JMY: variants seen among roughly 807,000 people sequenced by gnomAD.
The protein encoded by JMY is junction-mediating and -regulatory protein.
JMY carries 46 observed loss-of-function variants against 103.3 expected under a neutral mutation model. The observed-to-expected ratio is 0.45, with a 90% CI of 0.35 to 0.57. JMY has a LOEUF of 0.57. JMY is among the 20% of genes least tolerant of loss of function. JMY has a pLI of 0.00. For synonymous variants in JMY, 526 were observed against 489.3 expected, an observed-to-expected ratio of 1.07 and a Z score of -0.99; for missense variants, 1,238 against 1,255.2, an observed-to-expected ratio of 0.99 and a Z score of 0.21.
chr5:79,275,461 A>AGGGTTTCT (rs1181451379), intron 1 of JMY, among the ~76,000 whole-genome samples: 1 of 152,052 alleles, frequency 6.6e-6, no homozygotes, highest in Non-Finnish European at 1.5e-5. Context: ...GTGCCTGGCA[A>AGGGTTTCT]GGGTTTCTGA....
Position 79,236,420 on chromosome 5 carries a change from TGAA to T in JMY, c.-230_-228del. The stretch of plus-strand genomic sequence containing the variant: ...ACAGATCCGGCCGCAGGTGACCATG[TGAA>T]CTACCTGCTCCCGGGACGCTTATTG... On this transcript the variant is annotated 5_prime_UTR_variant, in exon 1 of 11. The change abolishes the stop of an existing upstream ORF in the 5' untranslated region. Coordinates refer to ENST00000396137, the MANE Select transcript of JMY (RefSeq NM_152405.5). 1 of 366,936 alleles carries T rather than the reference TGAA, an allele frequency of 2.7e-6. No individual in the cohort carries two copies. Among genetic ancestry groups the T allele is most frequent in the Non-Finnish European group, 4.8e-6 (1 of 206,704 alleles). 22.7% of individuals were successfully genotyped at this position (366,936 alleles called of 1,614,324 possible).
At chr5:79,304,402 A>G (rs74506559) in intron 6 of JMY, among the ~76,000 whole-genome samples, 2,145 of 152,246 alleles carry the variant, frequency 0.014, 59 homozygotes, top group African/African-American at 0.048. Context: ...TTTCTCTGGC[A>G]CTCATCTTAA....
At chr5:79,250,073 T>C (rs1745031420) in intron 1 of JMY, among the ~76,000 whole-genome samples, 1 of 152,240 alleles carries the variant, frequency 6.6e-6, no homozygotes. Flanking sequence ...TGTCAGCTGC[T>C]ATTGTGATAC....
At position 79,323,438 on chromosome 5, in the gene JMY, A is replaced by G. The variant is rs1340082483; in HGVS notation, c.*1836A>G. 1.3e-5 allele frequency: 2 copies of G among 152,198 alleles called. No homozygotes were observed. Among genetic ancestry groups the G allele is most frequent in the Non-Finnish European group, 2.9e-5 (2 of 68,030 alleles). 9.4% of individuals were successfully genotyped at this position (152,198 alleles called of 1,614,324 possible). ...AGCATGGGGGTGGTGATAGTGTCCT[A>G]TTTGCCCTTGGTAAAATATTAAAGC... On this transcript the variant is annotated 3_prime_UTR_variant, in exon 11 of 11. Coordinates refer to ENST00000396137, the MANE Select transcript of JMY (RefSeq NM_152405.5).
chr5:79,270,495 A>T (rs1408106008), intron 1 of JMY, among the ~76,000 whole-genome samples: 1 of 96,418 alleles, frequency 1.0e-5, no homozygotes, highest in East Asian at 2.7e-4. Flanking sequence ...ATTTACATAA[A>T]ATATATATTT....
intron 2 of JMY, chr5:79,284,984 C>T (rs570259604): frequency 1.4e-4 from 147 of 1,029,230 alleles, no homozygotes; most frequent in Middle Eastern, 1.2e-3. Flanking sequence ...TGAAACTAGA[C>T]GAACCTCTAG....
chr5:79,313,532 A>G (rs6864184), intron 8 of JMY, among the ~76,000 whole-genome samples: 93,884 of 152,122 alleles, frequency 0.62, 29,604 homozygotes, highest in African/African-American at 0.76. Context: ...AAATGGATAT[A>G]TAGTTGATGG....
At position 79,306,388 on chromosome 5, in the gene JMY, C is replaced by T; in HGVS notation, c.1895C>T (p.Ala632Val). 1 of 1,610,858 alleles carries T rather than the reference C, an allele frequency of 6.2e-7. No homozygotes were observed. ...ATGTATTTACAGGAAATATGTATTG[C>T]AAAACACAATGAAAAAATCCAACAG... ...YLRNKKEICI[A>V]KHNEKIQQRT... The change falls in exon 7 of 11, where the codon GCA (alanine) becomes GTA (valine). Residue 632 changes from alanine to valine, a missense_variant. By Grantham distance (64) the Ala-to-Val change is moderately conservative (BLOSUM62 0). Coordinates refer to ENST00000396137, the MANE Select transcript of JMY (RefSeq NM_152405.5).
rs1384193148 is a variant in JMY at position 79,236,734 on chromosome 5, A to G, written c.84A>G (p.Lys28=). 3 of 1,505,592 alleles carry G rather than the reference A, an allele frequency of 2.0e-6. No individual in the cohort carries two copies. The highest frequency in any genetic ancestry group is 2.8e-5 in the East Asian group (1 of 35,644). The allele number at this position is 1,505,592 out of a possible 1,614,324, so 93.3% of individuals were successfully genotyped here. Residue 28 remains lysine, a synonymous_variant, in exon 1 of 11, where the codon AAA becomes AAG. Coordinates refer to ENST00000396137, the MANE Select transcript of JMY (RefSeq NM_152405.5). ...TGTTCGACGAGCGCGAGAAACACAAATTCGTCTTTATTGTGGCCTGGAACG... is the reference window on the plus strand; with the variant it reads ...TGTTCGACGAGCGCGAGAAACACAAGTTCGTCTTTATTGTGGCCTGGAACG... ...PHVFDEREKH[K]FVFIVAWNEI...
intron 6 of JMY, among the ~76,000 whole-genome samples, chr5:79,302,623 C>A (rs1316056453): frequency 6.6e-6 from 1 of 152,166 alleles, no homozygotes; most frequent in Non-Finnish European, 1.5e-5. Flanking sequence ...TCAGAGCATT[C>A]TACATTGTAA....
chr5:79,250,632 T>A (rs2591391), intron 1 of JMY, among the ~76,000 whole-genome samples: 43,350 of 149,276 alleles, frequency 0.29, 7,306 homozygotes, highest in South Asian at 0.45. Context: ...AGGTATTTTT[T>A]AATTTTTAAT....
chr5:79,280,826 C>T (rs571437861), intron 2 of JMY, among the ~76,000 whole-genome samples: 1 of 148,908 alleles, frequency 6.7e-6, no homozygotes, highest in African/African-American at 2.5e-5. Context: ...TGATACAGTA[C>T]TCAAATCAGG....
intron 4 of JMY, among the ~76,000 whole-genome samples, chr5:79,298,876 A>AAT (rs1049270015): frequency 2.4e-4 from 36 of 152,224 alleles, no homozygotes; most frequent in African/African-American, 8.4e-4. Context: ...CAAAAGCTGG[A>AAT]ATTTTCTTTA....
Position 79,237,562 on chromosome 5 carries a change from C to A in JMY, c.912C>A (p.Ile304=). 6.2e-7 allele frequency: 1 copy of A among 1,613,624 alleles called. No homozygotes were observed. The highest frequency in any genetic ancestry group is 8.5e-7 in the Non-Finnish European group (1 of 1,180,016). Residue 304 remains isoleucine (I), a synonymous_variant, in exon 1 of 11, where the codon ATC becomes ATA. Transcript: ENST00000396137. ...GCCTGGACACCTGCGGCTGGAAGAT[C>A]CTCTCCCAGGTGCTCTTCACCGAGA... The part of the protein sequence containing the change: ...GHGLDTCGWK[I]LSQVLFTETD...
intron 1 of JMY, among the ~76,000 whole-genome samples, chr5:79,245,344 C>T (rs1156664074): frequency 6.6e-6 from 1 of 152,048 alleles, no homozygotes; most frequent in African/African-American, 2.4e-5. Flanking sequence ...GTCATGAAGT[C>T]ATCCTGGTGC....
intron 1 of JMY, among the ~76,000 whole-genome samples, chr5:79,241,202 C>G (rs1304767000): frequency 6.6e-6 from 1 of 152,086 alleles, no homozygotes; most frequent in East Asian, 1.9e-4. Context: ...GACTGTACAA[C>G]TAGATTGTAA....
chr5:79,262,286 A>T (rs1206174749), intron 1 of JMY, among the ~76,000 whole-genome samples: 1 of 152,248 alleles, frequency 6.6e-6, no homozygotes, highest in Non-Finnish European at 1.5e-5. Flanking sequence ...ATCCTAAATA[A>T]TTCGACTTTC....
intron 1 of JMY, 55 bp downstream of exon 1, chr5:79,237,737 C>A: frequency 6.7e-7 from 1 of 1,486,858 alleles, no homozygotes; most frequent in Non-Finnish European, 9.1e-7. Context: ...GTTTACTGGC[C>A]AAACCAAAGG....
rs564263944 is a variant in JMY, at chr5:79,323,532, C to A, written c.*1930C>A. On this transcript the variant is annotated 3_prime_UTR_variant, in exon 11 of 11. Transcript: ENST00000396137. Reference sequence around the variant, plus strand: ...GAAAAAGTTAAAGCAAATTTGCAAACCTTTACAAAATCATGTATCAATTTT... The same window carrying A: ...GAAAAAGTTAAAGCAAATTTGCAAAACTTTACAAAATCATGTATCAATTTT... 1.3e-5 allele frequency: 2 copies of A among 152,242 alleles called. No individual in the cohort carries two copies. The highest frequency in any genetic ancestry group is 2.1e-4 in the South Asian group (1 of 4,820). The allele number at this position is 152,242 out of a possible 1,614,324, so 9.4% of individuals were successfully genotyped here. A position where few individuals can be genotyped will look rare whatever the true frequency, so the allele number is the denominator to read the frequency against.
Sources: allele counts gnomAD v4.1 joint callset (sites outside exome capture counted in the v4.1 genomes callset), GRCh38; gene constraint gnomAD v4.1.1; transcripts MANE v1.5; gene names NCBI Gene and HGNC (gene_info 2026-07-23, HGNC 2026-07-21).